ERCC6L2: variants seen among roughly 807,000 people sequenced by gnomAD.
ERCC6L2 encodes DNA excision repair protein ERCC-6-like 2.
A neutral mutation model predicts 132.0 loss-of-function variants in ERCC6L2; 77 were observed. That is an observed-to-expected ratio of 0.58 (90% CI 0.49 to 0.71). The LOEUF (loss-of-function observed/expected upper bound fraction) is 0.71, where lower values mean the gene tolerates loss of function less well. ERCC6L2 is among the 30% of genes least tolerant of loss of function. ERCC6L2 has a pLI of 0.00. For synonymous variants in ERCC6L2, 583 were observed against 632.4 expected, an observed-to-expected ratio of 0.92 and a Z score of 1.17; for missense variants, 1,542 against 1,837.6, an observed-to-expected ratio of 0.84 and a Z score of 2.94.
intron 4 of ERCC6L2, among the ~76,000 whole-genome samples, chr9:95,914,595 A>T (rs1036211913): frequency 4.0e-5 from 6 of 151,874 alleles, no homozygotes; most frequent in Non-Finnish European, 8.8e-5. Flanking sequence ...CTCGTGATCC[A>T]CCCGCCTCAG....
intron 4 of ERCC6L2, among the ~76,000 whole-genome samples, chr9:95,915,202 C>A (rs78430481): frequency 0.18 from 27,071 of 152,082 alleles, 2,497 homozygotes; most frequent in South Asian, 0.28. Flanking sequence ...AGTAAAGAGA[C>A]CACTATGGGT....
rs377378705 is a variant in ERCC6L2, at chr9:95,940,711, A to G, written c.1752-743A>G. ...TCTATCTTGGTGAATGTTCTATAGG[A>G]ACCAGGAAAAAAAAAGTGTGTGTGT... On this transcript the variant is annotated intron_variant, in intron 11 of 18. Transcript: ENST00000653738. 2.3e-4 allele frequency among the ~76,000 whole-genome samples: 35 copies of G among 151,554 alleles called. 1 individual carries two copies. The South Asian group carries it at 7.3e-3, about 32-fold the overall frequency.
chr9:95,946,853 T>C (rs1429104126), intron 12 of ERCC6L2, among the ~76,000 whole-genome samples: 1 of 152,182 alleles, frequency 6.6e-6, no homozygotes, highest in Non-Finnish European at 1.5e-5. Flanking sequence ...ATCTTTGAAG[T>C]TACTATTGTA....
intron 11 of ERCC6L2, among the ~76,000 whole-genome samples, chr9:95,941,048 T>A (rs1830774602): frequency 6.6e-6 from 1 of 152,212 alleles, no homozygotes; most frequent in African/African-American, 2.4e-5. Context: ...TCCAGAGTTT[T>A]AGCTGCACTT....
chr9:96,012,603 T>G lies in ERCC6L2; in HGVS notation c.4053T>G (p.Phe1351Leu), dbSNP rs756018109. Residue 1351 changes from phenylalanine (F) to leucine (L), a missense_variant, in exon 19 of 19, where the codon TTT becomes TTG. Physicochemically the swap from Phe to Leu is conservative, Grantham distance 22 (BLOSUM62 0). This residue lies in a region of ERCC6L2 where 442 missense variants were observed against 583.4 expected (regional missense o/e 0.76). Coordinates refer to ENST00000653738, the MANE Select transcript of ERCC6L2 (RefSeq NM_020207.7). ...NHISYREEVF[F>L]NDAETKKSPV... is the part of the protein sequence containing the mutation. ...TTTCCTATAGAGAAGAGGTGTTTTT[T>G]AATGATGCAGAAACTAAGAAATCAC... 7.3e-7 allele frequency: 1 copy of G among 1,367,622 alleles called. No homozygotes were observed. Among genetic ancestry groups the G allele is most frequent in the South Asian group, 1.1e-5 (1 of 88,036 alleles). The allele number at this position is 1,367,622 out of a possible 1,614,324, so 84.7% of individuals were successfully genotyped here. A position where few individuals can be genotyped will look rare whatever the true frequency, so the allele number is the denominator to read the frequency against.
intron 6 of ERCC6L2, among the ~76,000 whole-genome samples, chr9:95,920,400 G>C (rs945022830): frequency 6.6e-6 from 1 of 151,702 alleles, no homozygotes; most frequent in African/African-American, 2.4e-5. Flanking sequence ...TTTTTTTCTA[G>C]TTTTATCGTA....
intron 16 of ERCC6L2, among the ~76,000 whole-genome samples, chr9:95,975,589 A>G (rs1832634320): frequency 6.8e-6 from 1 of 146,696 alleles, no homozygotes; most frequent in Non-Finnish European, 1.5e-5. Flanking sequence ...CCATATTCTG[A>G]TATACACAGT....
At position 96,012,331 on chromosome 9, in the gene ERCC6L2, G is replaced by C. The variant is rs1183138750; in HGVS notation, c.3781G>C (p.Asp1261His). 1.5e-6 allele frequency: 2 copies of C among 1,359,240 alleles called. No homozygotes were observed. The highest frequency in any genetic ancestry group is 1.9e-5 in the Admixed American group (1 of 52,352). 84.2% of individuals were successfully genotyped at this position (1,359,240 alleles called of 1,614,324 possible). A position where few individuals can be genotyped will look rare whatever the true frequency, so the allele number is the denominator to read the frequency against. ...AGAAGAACGACAGAAAATGCTAAGAGACTTTTATGCTTCTCAATATCCAGA... is the reference window on the plus strand; with the variant it reads ...AGAAGAACGACAGAAAATGCTAAGACACTTTTATGCTTCTCAATATCCAGA... ...TSEERQKMLR[D>H]FYASQYPEVK... The change falls in exon 19 of 19, where the codon GAC becomes CAC. Residue 1261 changes from aspartate to histidine, a missense_variant. Around this residue, in one of 4 missense-constraint regions of ERCC6L2, gnomAD observed 442 missense variants for 583.4 expected, o/e 0.76. Coordinates refer to ENST00000653738, the MANE Select transcript of ERCC6L2 (RefSeq NM_020207.7).
chr9:95,994,237 T>C (rs1833398832), intron 17 of ERCC6L2, among the ~76,000 whole-genome samples: 1 of 152,124 alleles, frequency 6.6e-6, no homozygotes. Context: ...CTTGTGAAGC[T>C]CAGGAACAAG....
intron 2 of ERCC6L2, 100 bp downstream of exon 2, chr9:95,881,393 G>A: frequency 1.1e-6 from 1 of 879,932 alleles, no homozygotes. Flanking sequence ...TAGCTATTTT[G>A]TGTGTTCCTG....
intron 16 of ERCC6L2, among the ~76,000 whole-genome samples, chr9:95,976,569 A>C (rs1832682469): frequency 6.6e-6 from 1 of 152,208 alleles, no homozygotes; most frequent in Non-Finnish European, 1.5e-5. Flanking sequence ...ACAGATACTG[A>C]AACCATGCAG....
chr9:96,000,735 C>G (rs1231264308), intron 17 of ERCC6L2, among the ~76,000 whole-genome samples: 1 of 152,108 alleles, frequency 6.6e-6, no homozygotes, highest in Admixed American at 6.5e-5. Flanking sequence ...CAGGGTCTTG[C>G]AGCATTACCT....
rs888737158 is a variant in ERCC6L2, at chr9:96,014,996, T to C, written c.*1793T>C. Among the ~76,000 whole-genome samples, 12 of 150,968 alleles carry C rather than the reference T, an allele frequency of 7.9e-5. No individual in the cohort carries two copies. Among genetic ancestry groups the C allele is most frequent in the African/African-American group, 2.9e-4 (12 of 41,008 alleles). ...GATATTCATATAAATATTAGCTCTATAGTCTTCATATATGTACAGTTTTTT... is the reference window on the plus strand; with the variant it reads ...GATATTCATATAAATATTAGCTCTACAGTCTTCATATATGTACAGTTTTTT... On this transcript the variant is annotated 3_prime_UTR_variant, in exon 19 of 19. Transcript: ENST00000653738.
intron 9 of ERCC6L2, among the ~76,000 whole-genome samples, chr9:95,925,744 G>GTAT (rs1830071229): frequency 6.6e-6 from 1 of 152,114 alleles, no homozygotes; most frequent in South Asian, 2.1e-4. Context: ...CCCAAATAAT[G>GTAT]AGAATGGATT....
chr9:95,889,321 G>A (rs1300815872), intron 2 of ERCC6L2, among the ~76,000 whole-genome samples: 1 of 152,152 alleles, frequency 6.6e-6, no homozygotes, highest in Non-Finnish European at 1.5e-5. Context: ...GAAACAATCT[G>A]TAGGTGAGTT....
At chr9:95,965,535 C>T (rs115325422) in intron 13 of ERCC6L2, among the ~76,000 whole-genome samples, 2,724 of 151,970 alleles carry the variant, frequency 0.018, 89 homozygotes, top group African/African-American at 0.061. Context: ...TTTTTTGTGA[C>T]GGAGTCTTTG....
intron 2 of ERCC6L2, among the ~76,000 whole-genome samples, chr9:95,887,647 G>C (rs1008101346): frequency 6.6e-6 from 1 of 152,072 alleles, no homozygotes; most frequent in African/African-American, 2.4e-5. Context: ...ATTACTGAAG[G>C]CTGTCTTATT....
At chr9:96,009,310 G>T (rs545415835) in intron 18 of ERCC6L2, among the ~76,000 whole-genome samples, 539 of 152,336 alleles carry the variant, frequency 3.5e-3, no homozygotes, top group African/African-American at 0.012. Context: ...GGATGTAGAA[G>T]TAAAACTGTC....
intron 12 of ERCC6L2, among the ~76,000 whole-genome samples, chr9:95,954,227 G>C (rs694230): frequency 2.0e-5 from 3 of 151,996 alleles, no homozygotes; most frequent in Non-Finnish European, 4.4e-5. Context: ...ACAGACAGCT[G>C]TCAAGGAAAT....
Sources: gnomAD v4.1 joint callset for allele counts (sites outside exome capture counted in the v4.1 genomes callset) on GRCh38, gnomAD v4.1.1 for gene constraint, gnomAD v4.1.1 regional missense constraint, MANE v1.5 for transcripts, NCBI Gene and HGNC (gene_info 2026-07-23, HGNC 2026-07-21) for gene names.